GRIK5: variants seen among roughly 807,000 people sequenced by gnomAD.
GRIK5 encodes the protein glutamate receptor ionotropic, kainate 5.
A neutral mutation model predicts 97.4 loss-of-function variants in GRIK5; 43 were observed. That is an observed-to-expected ratio of 0.44 (90% CI 0.35 to 0.57). The LOEUF (loss-of-function observed/expected upper bound fraction) is 0.57, where lower values mean the gene tolerates loss of function less well. Ranked by LOEUF, GRIK5 falls within the 20% of genes least tolerant of loss-of-function variation. The pLI is 0.01. For missense variants in GRIK5, 1,015 were observed against 1,382.0 expected, an observed-to-expected ratio of 0.73 and a Z score of 4.21; for synonymous variants, 580 against 583.5, an observed-to-expected ratio of 0.99 and a Z score of 0.09.
intron 12 of GRIK5, among the ~76,000 whole-genome samples, chr19:42,026,022 G>C (rs933823933): frequency 1.3e-5 from 2 of 152,150 alleles, no homozygotes; most frequent in Non-Finnish European, 2.9e-5. Flanking sequence ...ACAGTGTCTT[G>C]CTTTGTTAAC....
intron 15 of GRIK5, among the ~76,000 whole-genome samples, chr19:42,008,275 C>T (rs1394026251): frequency 1.3e-5 from 2 of 152,024 alleles, no homozygotes; most frequent in South Asian, 2.1e-4. Flanking sequence ...CCTCGCCCAC[C>T]CAAGGTGCTG....
intron 15 of GRIK5, among the ~76,000 whole-genome samples, chr19:42,020,256 T>C (rs1203687344): frequency 6.6e-6 from 1 of 152,206 alleles, no homozygotes; most frequent in East Asian, 1.9e-4. Flanking sequence ...CTGCCACCTA[T>C]TAAGGTTAGT....
At chr19:42,061,196 C>T (rs1048631322) in intron 5 of GRIK5, among the ~76,000 whole-genome samples, 10 of 152,194 alleles carry the variant, frequency 6.6e-5, no homozygotes, top group African/African-American at 9.7e-5. Context: ...TACAGGTGCC[C>T]GCCACCACAC....
chr19:42,001,040 C>A (rs528543792), intron 19 of GRIK5, among the ~76,000 whole-genome samples: 1 of 152,050 alleles, frequency 6.6e-6, no homozygotes, highest in African/African-American at 2.4e-5. Context: ...CAATCTATAC[C>A]CCCAACCTCC....
At chr19:42,064,153 A>G (rs2076296508) in intron 3 of GRIK5, among the ~76,000 whole-genome samples, 2 of 152,134 alleles carry the variant, frequency 1.3e-5, no homozygotes, top group African/African-American at 4.8e-5. Flanking sequence ...ACTCAGACAT[A>G]TATCAGAGTA....
rs2146200923 is a variant in GRIK5 at position 42,069,207 on chromosome 19, A to ACCCAGG, written c.-51+33_-51+34insCCTGGG. 1.2e-5 allele frequency: 4 copies of ACCCAGG among 341,578 alleles called. No homozygotes were observed. In the South Asian group the frequency reaches 5.0e-4, roughly 43 times the overall value. 21.2% of individuals were successfully genotyped at this position (341,578 alleles called of 1,614,324 possible). ...CAGAGCCCAGCCTTCCAGGACCCAG[A>ACCCAGG]ACCCAGCCCAATCCCTGCCCTGCAG... On this transcript the variant is annotated intron_variant, in intron 1 of 19. Transcript: ENST00000593562.
Position 42,042,576 on chromosome 19 carries a change from G to A in GRIK5, c.1449C>T (p.Gly483=), listed in dbSNP as rs1377440773. The A allele has an allele frequency of 2.5e-6, 4 of 1,611,208 alleles. No individual in the cohort carries two copies. The highest frequency in any genetic ancestry group is 1.7e-5 in the Admixed American group (1 of 59,982). Residue 483 remains glycine (G), a synonymous_variant, in exon 12 of 20, where the codon GGC becomes GGT. Coordinates refer to ENST00000593562, the MANE Select transcript of GRIK5 (RefSeq NM_002088.5). The surrounding 1 kb of genome is among the most constrained non-coding windows in gnomAD (Gnocchi z 6.9). The stretch of plus-strand genomic sequence containing the variant: ...CCCGGTTGATGAGCTCGCCAACCAT[G>A]CCCGTCCAGGAGCCGTTGGGCTCGG... The part of the protein sequence containing the change: ...GAPEPNGSWT[G]MVGELINRKA...
At chr19:42,058,821 G>A (rs1325811123) in intron 6 of GRIK5, among the ~76,000 whole-genome samples, 9 of 136,020 alleles carry the variant, frequency 6.6e-5, no homozygotes, top group Admixed American at 2.3e-4. Context: ...GCAAGACTCC[G>A]TCTCAAAAAA....
chr19:42,068,917 G>A (rs909665351), intron 1 of GRIK5: 8 of 669,124 alleles, frequency 1.2e-5, no homozygotes, highest in South Asian at 4.7e-5. Flanking sequence ...GGACCAGGAC[G>A]GAGGCTTGGA....
rs146166073 is a variant in GRIK5 at position 42,008,808 on chromosome 19, G to A, written c.1872-1998C>T. Among the ~76,000 whole-genome samples the A allele has an allele frequency of 2.6e-3, 391 of 152,166 alleles. 3 individuals are homozygous for A. Among genetic ancestry groups the A allele is most frequent in the African/African-American group, 8.7e-3 (361 of 41,502 alleles). On this transcript the variant is annotated intron_variant, in intron 15 of 19. Transcript: ENST00000593562. ...CAAGAGTATAAAGAAAAACATGAAC[G>A]TAATGAAAGGAACAGAAGATATAAA...
chr19:42,063,634 G>A (rs2076289399), intron 3 of GRIK5: 1 of 264,774 alleles, frequency 3.8e-6, no homozygotes, highest in Non-Finnish European at 7.5e-6. Context: ...TAAGCTTGGT[G>A]CTGCTGGGGC....
chr19:41,999,012 C>G lies in GRIK5; in HGVS notation c.2802G>C (p.Gln934His). Residue 934 changes from glutamine to histidine, a missense_variant, in exon 20 of 20, where the codon CAG (glutamine) becomes CAC (histidine). By Grantham distance (24) the Gln-to-His change is conservative. Coordinates refer to ENST00000593562, the MANE Select transcript of GRIK5 (RefSeq NM_002088.5). The surrounding 1 kb of genome is among the most constrained non-coding windows in gnomAD (Gnocchi z 5.0). ...GCAGCGCCTGGATGCGCCGGCACTC[C>G]TGGCAGACGCGCACGTGGGTGCAGG... ...PTPCTHVRVC[Q>H]ECRRIQALRA... The G allele has an allele frequency of 8.3e-7, 1 of 1,209,514 alleles. No individual in the cohort carries two copies. The highest frequency in any genetic ancestry group is 1.0e-6 in the Non-Finnish European group (1 of 967,676). 74.9% of individuals were successfully genotyped at this position (1,209,514 alleles called of 1,614,324 possible).
At chr19:42,050,399 C>T (rs1442872419) in intron 11 of GRIK5, among the ~76,000 whole-genome samples, 2 of 151,988 alleles carry the variant, frequency 1.3e-5, no homozygotes, top group Non-Finnish European at 2.9e-5. Context: ...GTGGCTCACG[C>T]CTGTAATCCC....
At chr19:42,015,610 C>T (rs1485117498) in intron 15 of GRIK5, among the ~76,000 whole-genome samples, 3 of 152,206 alleles carry the variant, frequency 2.0e-5, no homozygotes, top group Non-Finnish European at 4.4e-5. Flanking sequence ...GGCCCTTCCT[C>T]ACTGGGTTTT....
chr19:42,052,391 C>G (rs1200199717), intron 11 of GRIK5, among the ~76,000 whole-genome samples: 1 of 151,992 alleles, frequency 6.6e-6, no homozygotes, highest in Non-Finnish European at 1.5e-5. Context: ...CCAGGGCTCC[C>G]TGGGGAGGCT....
chr19:42,058,211 T>G (rs1014841446), intron 6 of GRIK5, among the ~76,000 whole-genome samples: 21 of 152,194 alleles, frequency 1.4e-4, no homozygotes, highest in African/African-American at 5.1e-4. Flanking sequence ...GATGGAGTCT[T>G]GCTCTGTCAC....
Position 42,069,925 on chromosome 19 carries a change from G to C in GRIK5, c.-735C>G, listed in dbSNP as rs889241501. On this transcript the variant is annotated 5_prime_UTR_variant, in exon 1 of 20. Coordinates refer to ENST00000593562, the MANE Select transcript of GRIK5 (RefSeq NM_002088.5). ...CGGAGAGGCCAAGAAGGGGGCAAAT[G>C]AGGTGGAGAGATAGGGAGGAGGGAG... 2.6e-5 allele frequency among the ~76,000 whole-genome samples: 4 copies of C among 152,286 alleles called. No homozygotes were observed. In the East Asian group the frequency reaches 7.7e-4, roughly 29 times the overall value.
At chr19:42,011,529 G>A (rs2075562393) in intron 15 of GRIK5, among the ~76,000 whole-genome samples, 2 of 151,312 alleles carry the variant, frequency 1.3e-5, no homozygotes, top group African/African-American at 2.4e-5. Context: ...CTCCAGCCTG[G>A]GGGACAGAGC....
At chr19:42,061,401 A>G (rs976007619) in intron 5 of GRIK5, among the ~76,000 whole-genome samples, 1 of 148,550 alleles carries the variant, frequency 6.7e-6, no homozygotes, top group African/African-American at 2.5e-5. Context: ...CTGGTCTTGA[A>G]CTCCTGGCCT....
Sources: allele counts gnomAD v4.1 joint callset (sites outside exome capture counted in the v4.1 genomes callset), GRCh38; gene constraint gnomAD v4.1.1; non-coding constraint Gnocchi (gnomAD v3.1); transcripts MANE v1.5; gene names NCBI Gene and HGNC (gene_info 2026-07-23, HGNC 2026-07-21).